Variants in IL18RAP observed in about 807,000 individuals in gnomAD.
IL18RAP encodes the protein interleukin-18 receptor accessory protein.
IL18RAP carries 37 observed loss-of-function variants against 58.1 expected under a neutral mutation model. That is an observed-to-expected ratio of 0.64 (90% CI 0.49 to 0.84). IL18RAP has a LOEUF of 0.84. Among genes scored for constraint, IL18RAP ranks in the 40% least tolerant of loss-of-function variants. The pLI, the probability that IL18RAP is intolerant of heterozygous loss-of-function variation, is 0.00. For missense variants in IL18RAP, 667 were observed against 704.8 expected (o/e 0.95, Z 0.61); for synonymous variants, 268 against 257.5 (o/e 1.04, Z -0.39).
intron 3 of IL18RAP, among the ~76,000 whole-genome samples, chr2:102,429,744 C>G (rs114240215): frequency 0.038 from 5,831 of 152,038 alleles, 135 homozygotes; most frequent in Non-Finnish European, 0.057. Flanking sequence ...TCGCTGCATC[C>G]CACATGTTTT....
chr2:102,429,968 T>C (rs750984017), intron 3 of IL18RAP, among the ~76,000 whole-genome samples: 5 of 152,056 alleles, frequency 3.3e-5, no homozygotes, highest in Non-Finnish European at 7.4e-5. Context: ...TTGTTAAGAC[T>C]TATCTTGTAG....
intron 9 of IL18RAP, 73 bp from the exon 10 acceptor site, chr2:102,451,693 A>G (rs1683776585): frequency 6.5e-6 from 8 of 1,224,298 alleles, no homozygotes; most frequent in Non-Finnish European, 9.3e-6. Context: ...ATGTAAGAGA[A>G]TCCATTGCAA....
rs760480942 is a variant in IL18RAP, at chr2:102,451,881, T to G, written c.1500T>G (p.Leu500=). 5 of 1,614,096 alleles carry G rather than the reference T, an allele frequency of 3.1e-6. No individual in the cohort carries two copies. The African/African-American group carries it at 6.7e-5, about 22-fold the overall frequency. ...TTGAACTACAAGCAGCAGTGAATCT[T>G]GCCTTGGATGATCAAACACTGAAAC... ...SIFELQAAVN[L]ALDDQTLKLI... is the part of the protein sequence containing the mutation. Residue 500 remains leucine, a synonymous_variant, in exon 10 of 10, where the codon CTT becomes CTG. Coordinates refer to ENST00000687160, the MANE Select transcript of IL18RAP (RefSeq NM_001393487.1).
chr2:102,448,944 G>A (rs1190870301), intron 8 of IL18RAP, among the ~76,000 whole-genome samples: 1 of 125,778 alleles, frequency 8.0e-6, no homozygotes, highest in Non-Finnish European at 1.6e-5. Flanking sequence ...CTGGATGGCA[G>A]AGCGATACCC....
intron 3 of IL18RAP, among the ~76,000 whole-genome samples, chr2:102,436,864 T>C (rs989826805): frequency 6.6e-6 from 1 of 151,592 alleles, no homozygotes; most frequent in African/African-American, 2.4e-5. Context: ...AAAAAATTCA[T>C]TTCAGTTTCA....
chr2:102,452,425 C>G lies in IL18RAP; in HGVS notation c.*244C>G. 1 of 442,552 alleles carries G rather than the reference C, an allele frequency of 2.3e-6. No homozygotes were observed. Among genetic ancestry groups the G allele is most frequent in the Non-Finnish European group, 4.0e-6 (1 of 251,000 alleles). 27.4% of individuals were successfully genotyped at this position (442,552 alleles called of 1,614,324 possible). On this transcript the variant is annotated 3_prime_UTR_variant, in exon 10 of 10. Transcript: ENST00000687160. ...TGGGTACTTTCAGTACACAACACCC[C>G]TAAGATTTCCCAGTGGTCCGAGCAG... is the stretch of plus-strand genomic sequence containing the variant.
chr2:102,434,354 G>A (rs1000776022), intron 3 of IL18RAP: 1 of 152,154 alleles, frequency 6.6e-6, no homozygotes, highest in African/African-American at 2.4e-5. Context: ...TTTGTTTGTA[G>A]AGTAGAATTT....
At position 102,451,890 on chromosome 2, in the gene IL18RAP, T is replaced by C; in HGVS notation, c.1509T>C (p.Asp503=). The change falls in exon 10 of 10, where the codon GAT becomes GAC. Residue 503 remains aspartate, a synonymous_variant. Coordinates refer to ENST00000687160, the MANE Select transcript of IL18RAP (RefSeq NM_001393487.1). ...ELQAAVNLAL[D]DQTLKLILIK... is the part of the protein sequence containing the mutation. ...AAGCAGCAGTGAATCTTGCCTTGGA[T>C]GATCAAACACTGAAACTCATTTTAA... 1 of 1,614,218 alleles carries C rather than the reference T, an allele frequency of 6.2e-7. No individual in the cohort carries two copies. The highest frequency in any genetic ancestry group is 1.1e-5 in the South Asian group (1 of 91,086).
chr2:102,428,373 T>G (rs919807717), intron 3 of IL18RAP, among the ~76,000 whole-genome samples: 2 of 104,234 alleles, frequency 1.9e-5, no homozygotes, highest in African/African-American at 9.0e-5. Context: ...TCCATTCCTT[T>G]TGTTAGTTTT....
At chr2:102,426,985 A>C (rs1053695906) in intron 3 of IL18RAP, among the ~76,000 whole-genome samples, 1 of 152,110 alleles carries the variant, frequency 6.6e-6, no homozygotes, top group African/African-American at 2.4e-5. Flanking sequence ...TTAAGGTTCT[A>C]TATATGAGTG....
intron 4 of IL18RAP, 22 bp downstream of exon 4, chr2:102,437,384 A>G (rs1395613809): frequency 1.2e-6 from 2 of 1,601,838 alleles, no homozygotes; most frequent in African/African-American, 2.7e-5. Context: ...TTTTATCTCA[A>G]GATTTGAGAT....
chr2:102,419,686 C>A (rs529034113), upstream of IL18RAP: 3 of 152,326 alleles, frequency 2.0e-5, no homozygotes, highest in Non-Finnish European at 4.4e-5. Flanking sequence ...ATTCTCCCAG[C>A]GCTGTTGGGC....
At position 102,423,223 on chromosome 2, in the gene IL18RAP, C is replaced by G; in HGVS notation, c.-55C>G. The G allele has an allele frequency of 6.6e-7, 1 of 1,523,776 alleles. No individual in the cohort carries two copies. The highest frequency in any genetic ancestry group is 2.2e-5 in the East Asian group (1 of 44,460). The allele number at this position is 1,523,776 out of a possible 1,614,324, so 94.4% of individuals were successfully genotyped here. A position where few individuals can be genotyped will look rare whatever the true frequency, so the allele number is the denominator to read the frequency against. ...GCAGAGTTCTGAATCTCAAAACACT[C>G]TACTCTGGCAAAGGAATGAAGTTAT... On this transcript the variant is annotated 5_prime_UTR_variant, in exon 1 of 10. Coordinates refer to ENST00000687160, the MANE Select transcript of IL18RAP (RefSeq NM_001393487.1).
In IL18RAP at chr2:102,452,139, A is replaced by C. The variant is rs1558650463; in HGVS notation, c.1758A>C (p.Arg586Ser). 1 of 1,613,210 alleles carries C rather than the reference A, an allele frequency of 6.2e-7. No homozygotes were observed. ...SRIFQWKGLS[R>S]TETTGRSSQP... ...TTTTTCAGTGGAAAGGACTCAGTAGAACAGAAACCACTGGGAGGAGCTCCC... is the reference window on the plus strand; with the variant it reads ...TTTTTCAGTGGAAAGGACTCAGTAGCACAGAAACCACTGGGAGGAGCTCCC... The change falls in exon 10 of 10, where the codon AGA becomes AGC. Residue 586 changes from arginine to serine, a missense_variant. Physicochemically the swap from Arg to Ser is moderately radical, Grantham distance 110 (BLOSUM62 -1). Transcript: ENST00000687160.
intron 7 of IL18RAP, among the ~76,000 whole-genome samples, chr2:102,446,652 T>A (rs1683435667): frequency 6.6e-6 from 1 of 152,062 alleles, no homozygotes; most frequent in Non-Finnish European, 1.5e-5. Context: ...ACAAAAAAAA[T>A]TAGCCGGGCG....
At chr2:102,442,334 C>A (rs993221107) in intron 5 of IL18RAP, among the ~76,000 whole-genome samples, 4 of 151,422 alleles carry the variant, frequency 2.6e-5, no homozygotes, top group Non-Finnish European at 5.9e-5. Context: ...TTCTAAAATG[C>A]TACTAAAACA....
intron 3 of IL18RAP, among the ~76,000 whole-genome samples, chr2:102,436,481 T>C (rs1682746720): frequency 6.6e-6 from 1 of 152,140 alleles, no homozygotes; most frequent in African/African-American, 2.4e-5. Context: ...GCCCCCACCC[T>C]TAGTCTCCTT....
rs368211140 is a variant in IL18RAP at position 102,423,235 on chromosome 2, A to C, written c.-43A>C. ...ATCTCAAAACACTCTACTCTGGCAAAGGAATGAAGTTATTGGAGTGATGAC... is the reference window on the plus strand; with the variant it reads ...ATCTCAAAACACTCTACTCTGGCAACGGAATGAAGTTATTGGAGTGATGAC... On this transcript the variant is annotated 5_prime_UTR_variant, in exon 1 of 10. Transcript: ENST00000687160. 2.0e-5 allele frequency: 31 copies of C among 1,572,578 alleles called. No homozygotes were observed. Among genetic ancestry groups the C allele is most frequent in the Non-Finnish European group, 2.6e-5 (30 of 1,142,382 alleles).
chr2:102,445,333 G>C lies in IL18RAP; in HGVS notation c.1065G>C (p.Lys355Asn), dbSNP rs768379898. The change falls in exon 7 of 10, where the codon AAG becomes AAC. Residue 355 changes from lysine to asparagine, a missense_variant. By Grantham distance (94) the Lys-to-Asn change is moderately conservative (BLOSUM62 0). Coordinates refer to ENST00000687160, the MANE Select transcript of IL18RAP (RefSeq NM_001393487.1). ...NTTQSVQLKE[K>N]RGVVLLYILL... Reference sequence around the variant, plus strand: ...CCCAGTCCGTCCAACTGAAAGAAAAGAGAGGAGGTAAGCCCAGAAGGTTGC... The same window carrying C: ...CCCAGTCCGTCCAACTGAAAGAAAACAGAGGAGGTAAGCCCAGAAGGTTGC... 1.3e-5 allele frequency: 21 copies of C among 1,614,054 alleles called. No homozygotes were observed. The Admixed American group carries it at 3.3e-4, about 26-fold the overall frequency.
Sources: gnomAD v4.1 joint callset for allele counts (sites outside exome capture counted in the v4.1 genomes callset) on GRCh38, gnomAD v4.1.1 for gene constraint, MANE v1.5 for transcripts, NCBI Gene and HGNC (gene_info 2026-07-23, HGNC 2026-07-21) for gene names.